Variants in SOX5 observed in about 807,000 individuals in gnomAD.
SOX5 encodes transcription factor SOX-5.
In SOX5, 9 loss-of-function variants were observed where a neutral mutation model predicts 92.0. The observed-to-expected ratio is 0.10, with a 90% CI of 0.06 to 0.17. The LOEUF is 0.17. Among genes scored for constraint, SOX5 ranks in the 10% least tolerant of loss-of-function variants. The probability of loss-of-function intolerance (pLI) is 1.00; values close to 1 mark genes in which losing one functional copy is unlikely to be tolerated. For missense variants in SOX5, 642 were observed against 944.5 expected, an observed-to-expected ratio of 0.68 and a Z score of 4.20; for synonymous variants, 344 against 336.3, an observed-to-expected ratio of 1.02 and a Z score of -0.25.
At chr12:23,946,783 C>T (rs1944664243) in intron 1 of SOX5, among the ~76,000 whole-genome samples, 1 of 151,880 alleles carries the variant, frequency 6.6e-6, no homozygotes, top group Non-Finnish European at 1.5e-5. Context: ...ATTTGCTTCC[C>T]ACCTTGGAGT....
intron 6 of SOX5, among the ~76,000 whole-genome samples, chr12:23,669,141 G>A (rs562739974): frequency 2.0e-5 from 3 of 152,198 alleles, no homozygotes; most frequent in African/African-American, 7.2e-5. Context: ...CTCTCTAGGA[G>A]CTCTGAATCT....
At chr12:23,702,109 T>G (rs1266632264) in intron 6 of SOX5, among the ~76,000 whole-genome samples, 1 of 152,068 alleles carries the variant, frequency 6.6e-6, no homozygotes, top group African/African-American at 2.4e-5. Context: ...TCATATCTCT[T>G]ATACGCTGTT....
intron 1 of SOX5, among the ~76,000 whole-genome samples, chr12:23,910,932 G>C (rs1342628928): frequency 6.6e-6 from 1 of 152,020 alleles, no homozygotes. Context: ...TTCGCAGCTG[G>C]TTTAGCTACA....
intron 4 of SOX5, among the ~76,000 whole-genome samples, chr12:23,993,872 TATG>T (rs1417762828): frequency 2.2e-5 from 3 of 137,854 alleles, no homozygotes; most frequent in African/African-American, 8.3e-5. Flanking sequence ...GAAATGTATG[TATG>T]TATGTATGTA....
chr12:24,375,182 C>T (rs917663509), intron 1 of SOX5, among the ~76,000 whole-genome samples: 18 of 151,436 alleles, frequency 1.2e-4, no homozygotes, highest in Admixed American at 1.1e-3. Context: ...ACCGTGTTAG[C>T]CAGGATGGTC....
At chr12:23,633,448 G>T (rs2078814150) in intron 8 of SOX5, among the ~76,000 whole-genome samples, 2 of 151,984 alleles carry the variant, frequency 1.3e-5, no homozygotes, top group Non-Finnish European at 2.9e-5. Flanking sequence ...TTCGTTTTGT[G>T]TAAATAGTGA....
At chr12:23,755,804 A>T in intron 3 of SOX5, 80 bp from the exon 4 acceptor site, 1 of 902,282 alleles carries the variant, frequency 1.1e-6, no homozygotes, top group East Asian at 2.9e-5. Flanking sequence ...ATCTGCTAAA[A>T]ATAAGGCCAT....
intron 2 of SOX5, among the ~76,000 whole-genome samples, chr12:23,868,948 C>T (rs1415349172): frequency 2.0e-5 from 3 of 151,972 alleles, no homozygotes; most frequent in African/African-American, 4.8e-5. Flanking sequence ...CATTCAAGGC[C>T]CCCCAGAATC....
chr12:23,652,139 G>A (rs989756987), intron 7 of SOX5, among the ~76,000 whole-genome samples: 1 of 151,960 alleles, frequency 6.6e-6, no homozygotes, highest in Non-Finnish European at 1.5e-5. Context: ...TTGGGGAAAT[G>A]CTTTATAAAT....
chr12:23,930,150 C>A (rs774521907), intron 1 of SOX5, among the ~76,000 whole-genome samples: 1 of 151,812 alleles, frequency 6.6e-6, no homozygotes, highest in Non-Finnish European at 1.5e-5. Context: ...GGGAGGAGGG[C>A]AACATGCAGA....
intron 6 of SOX5, among the ~76,000 whole-genome samples, chr12:23,666,743 A>T (rs566082257): frequency 5.7e-4 from 87 of 152,328 alleles, no homozygotes; most frequent in Non-Finnish European, 1.1e-3. Flanking sequence ...GTGAACAAGA[A>T]AACTAAAATC....
At chr12:24,349,348 T>C (rs532378164) in intron 2 of SOX5, among the ~76,000 whole-genome samples, 15 of 152,324 alleles carry the variant, frequency 9.8e-5, no homozygotes, top group African/African-American at 3.6e-4. Flanking sequence ...ATTAAGTACA[T>C]TCATATTGCT....
At chr12:24,070,404 C>A (rs1406541151) in intron 4 of SOX5, among the ~76,000 whole-genome samples, 1 of 152,010 alleles carries the variant, frequency 6.6e-6, no homozygotes, top group Admixed American at 6.6e-5. Flanking sequence ...TTTGTTTGTG[C>A]CAGGGAAAAG....
At chr12:24,467,896 C>T (rs11047462) in intron 1 of SOX5, among the ~76,000 whole-genome samples, 1 of 152,188 alleles carries the variant, frequency 6.6e-6, no homozygotes, top group East Asian at 1.9e-4. Context: ...AACTAGTGGG[C>T]TACTTCATGG....
chr12:24,265,874 A>T (rs1339910316), intron 3 of SOX5, among the ~76,000 whole-genome samples: 5 of 152,108 alleles, frequency 3.3e-5, no homozygotes, highest in African/African-American at 4.8e-5. Context: ...ATATTGCATC[A>T]TACACGACCA....
At chr12:24,286,359 A>G (rs1429580572) in intron 2 of SOX5, among the ~76,000 whole-genome samples, 2 of 152,164 alleles carry the variant, frequency 1.3e-5, no homozygotes, top group Non-Finnish European at 2.9e-5. Flanking sequence ...GTGCATGACA[A>G]TTGTGCTAAA....
Position 23,649,712 on chromosome 12 carries a change from TA to T in SOX5, c.932-8816del, listed in dbSNP as rs369964807. 2.1e-4 allele frequency among the ~76,000 whole-genome samples: 32 copies of T among 152,292 alleles called. No individual in the cohort carries two copies. The East Asian group carries it at 6.2e-3, about 29-fold the overall frequency. On this transcript the variant is annotated intron_variant, in intron 7 of 14. Transcript: ENST00000451604. ...CTGACACAAATGATACGGCTTATAT[TA>T]ACTCTTTAAAAGCATTCAATTGCAT... is the stretch of plus-strand genomic sequence containing the variant.
rs76230181 is a variant in SOX5, at chr12:23,941,449, T to C, written c.38+8115A>G. ...AACATTTTTAGAAATAATTGTACTA[T>C]AAATATTTATATATCATAATCCTTA... On this transcript the variant is annotated intron_variant, in intron 1 of 14. Transcript: ENST00000451604. 1.3e-4 allele frequency among the ~76,000 whole-genome samples: 19 copies of C among 151,684 alleles called. No individual in the cohort carries two copies. In the East Asian group the frequency reaches 3.7e-3, roughly 29 times the overall value.
At chr12:24,494,891 C>T (rs916597081) in intron 1 of SOX5, among the ~76,000 whole-genome samples, 3 of 151,964 alleles carry the variant, frequency 2.0e-5, no homozygotes, top group Non-Finnish European at 2.9e-5. Context: ...ACAAATTTAT[C>T]GCAAAATATA....
Sources: allele counts gnomAD v4.1 joint callset (sites outside exome capture counted in the v4.1 genomes callset), GRCh38; gene constraint gnomAD v4.1.1; transcripts MANE v1.5; gene names NCBI Gene and HGNC (gene_info 2026-07-23, HGNC 2026-07-21).